The following ARHGAP5 variants were observed in gnomAD, a reference collection of about 807,000 sequenced individuals.
ARHGAP5 encodes the protein rho GTPase-activating protein 5.
In ARHGAP5, 23 loss-of-function variants were observed where a neutral mutation model predicts 116.6. The observed-to-expected ratio is 0.20, with a 90% confidence interval of 0.14 to 0.28. The LOEUF is 0.28. Among genes scored for constraint, ARHGAP5 ranks in the 10% least tolerant of loss-of-function variants. The probability of loss-of-function intolerance (pLI) is 1.00; values close to 1 mark genes in which losing one functional copy is unlikely to be tolerated. For missense variants in ARHGAP5, 1,405 were observed against 1,774.8 expected, an observed-to-expected ratio of 0.79 and a Z score of 3.74; for synonymous variants, 574 against 602.0, an observed-to-expected ratio of 0.95 and a Z score of 0.68.
chr14:32,105,218 C>A (rs1287945294), intron 2 of ARHGAP5, among the ~76,000 whole-genome samples: 1 of 152,100 alleles, frequency 6.6e-6, no homozygotes, highest in Admixed American at 6.6e-5. Context: ...TAGGTCATAG[C>A]GTTTTCTTCC....
chr14:32,119,025 T>C (rs1310759808), intron 3 of ARHGAP5, among the ~76,000 whole-genome samples: 2 of 152,160 alleles, frequency 1.3e-5, no homozygotes, highest in South Asian at 4.1e-4. Context: ...AGGCGATTTA[T>C]ATATTTAAGT....
intron 5 of ARHGAP5, 79 bp downstream of exon 5, chr14:32,150,112 A>G: frequency 8.7e-7 from 1 of 1,144,504 alleles, no homozygotes; most frequent in Non-Finnish European, 1.2e-6. Context: ...TAAAATCATC[A>G]TGTACTAGAA....
At chr14:32,080,395 C>T (rs1400152272) in intron 1 of ARHGAP5, among the ~76,000 whole-genome samples, 1 of 151,218 alleles carries the variant, frequency 6.6e-6, no homozygotes, top group African/African-American at 2.4e-5. Flanking sequence ...TAACAACAAA[C>T]CCCCTTGACA....
chr14:32,099,719 A>G (rs1449405335), intron 2 of ARHGAP5, among the ~76,000 whole-genome samples: 2 of 152,156 alleles, frequency 1.3e-5, no homozygotes, highest in African/African-American at 4.8e-5. Flanking sequence ...CTCATTTTTA[A>G]GTTAAATACT....
Position 32,155,855 on chromosome 14 carries a change from A to G in ARHGAP5, c.*907A>G, listed in dbSNP as rs990847784. The G allele has an allele frequency of 6.6e-6, 1 of 152,572 alleles. No individual in the cohort carries two copies. The highest frequency in any genetic ancestry group is 2.4e-5 in the African/African-American group (1 of 41,458). 9.5% of individuals were successfully genotyped at this position (152,572 alleles called of 1,614,324 possible). ...TTCATATAAGGTTATATAACTTTTC[A>G]TACATAAACATGAAATTTGTTGTAG... is the stretch of plus-strand genomic sequence containing the variant. On this transcript the variant is annotated 3_prime_UTR_variant, in exon 7 of 7. Coordinates refer to ENST00000345122, the MANE Select transcript of ARHGAP5 (RefSeq NM_001030055.2).
At chr14:32,121,763 C>G (rs1352524482) in intron 3 of ARHGAP5, among the ~76,000 whole-genome samples, 1 of 152,156 alleles carries the variant, frequency 6.6e-6, no homozygotes, top group East Asian at 1.9e-4. Flanking sequence ...ATTCCCCACT[C>G]TCACCCCCCC....
intron 3 of ARHGAP5, among the ~76,000 whole-genome samples, chr14:32,140,258 ATTTCTTC>A (rs1264201496): frequency 6.6e-6 from 1 of 150,980 alleles, no homozygotes; most frequent in Non-Finnish European, 1.5e-5. Flanking sequence ...TTTATTTGTA[ATTTCTTC>A]TTTGTTCCAT....
chr14:32,107,432 A>G (rs1333212078), intron 2 of ARHGAP5, among the ~76,000 whole-genome samples: 5 of 150,986 alleles, frequency 3.3e-5, no homozygotes, highest in Admixed American at 2.0e-4. Context: ...ATTAACAGAA[A>G]TCTTATGTGT....
At chr14:32,100,435 G>T (rs1878740328) in intron 2 of ARHGAP5, among the ~76,000 whole-genome samples, 1 of 152,098 alleles carries the variant, frequency 6.6e-6, no homozygotes, top group Non-Finnish European at 1.5e-5. Context: ...CTGGCCTCAA[G>T]CCGTCCTCTA....
At position 32,093,614 on chromosome 14, in the gene ARHGAP5, A is replaced by T; in HGVS notation, c.2945A>T (p.Asp982Val). The T allele has an allele frequency of 6.2e-7, 1 of 1,613,872 alleles. No homozygotes were observed. The highest frequency in any genetic ancestry group is 8.5e-7 in the Non-Finnish European group (1 of 1,179,912). ...CCCTATAATAACTACCCTGATTCAG[A>T]TGATGACACAGAAGCACCACCTCCT... ...CFPYNNYPDSDDDTEAPPPYS... is the reference protein window; with the variant it reads ...CFPYNNYPDSVDDTEAPPPYS... The change falls in exon 2 of 7, where the codon GAT (aspartate) becomes GTT (valine). Residue 982 changes from aspartate (D) to valine (V), a missense_variant. Physicochemically the swap from Asp to Val is radical, Grantham distance 152 (BLOSUM62 -3). Transcript: ENST00000345122.
Position 32,090,488 on chromosome 14 carries a change from TCCCC to T in ARHGAP5, c.-168-13_-168-10del. The T allele has an allele frequency of 1.9e-6, 1 of 528,148 alleles. No homozygotes were observed. The highest frequency in any genetic ancestry group is 1.9e-5 in the African/African-American group (1 of 51,886). 32.7% of individuals were successfully genotyped at this position (528,148 alleles called of 1,614,324 possible). On this transcript the variant is annotated splice_polypyrimidine_tract_variant and intron_variant, in intron 1 of 6. Coordinates refer to ENST00000345122, the MANE Select transcript of ARHGAP5 (RefSeq NM_001030055.2). ...TTGTGATTAAGATTTGTTCTTTTTC[TCCCC>T]TCTCTATAGGAAGATGATCCCTATG... is the stretch of plus-strand genomic sequence containing the variant.
intron 1 of ARHGAP5, among the ~76,000 whole-genome samples, chr14:32,084,746 C>A (rs1258815065): frequency 6.6e-6 from 1 of 152,170 alleles, no homozygotes; most frequent in African/African-American, 2.4e-5. Context: ...GCTCATTTCA[C>A]ATACAAATTG....
At chr14:32,139,827 C>T (rs1881000641) in intron 3 of ARHGAP5, among the ~76,000 whole-genome samples, 1 of 150,254 alleles carries the variant, frequency 6.7e-6, no homozygotes, top group Non-Finnish European at 1.5e-5. Flanking sequence ...AGGTTTCCGT[C>T]TGAAAATCTT....
At chr14:32,098,916 T>A (rs760313289) in intron 2 of ARHGAP5, among the ~76,000 whole-genome samples, 42 of 152,270 alleles carry the variant, frequency 2.8e-4, no homozygotes, top group Non-Finnish European at 5.4e-4. Flanking sequence ...TTCTTTCTTG[T>A]GATCACTCGG....
intron 1 of ARHGAP5, among the ~76,000 whole-genome samples, chr14:32,084,821 C>G (rs1430287450): frequency 2.0e-5 from 3 of 152,086 alleles, no homozygotes; most frequent in African/African-American, 7.2e-5. Context: ...GACTTTGAGA[C>G]CACAACATAG....
At chr14:32,130,209 ATTT>A (rs1201632953) in intron 3 of ARHGAP5, among the ~76,000 whole-genome samples, 8 of 124,406 alleles carry the variant, frequency 6.4e-5, no homozygotes, top group Admixed American at 1.6e-4. Flanking sequence ...TTCATAAGGG[ATTT>A]TTTTTTTTTT....
intron 1 of ARHGAP5, among the ~76,000 whole-genome samples, chr14:32,087,957 A>G (rs1031593852): frequency 3.3e-5 from 5 of 152,150 alleles, no homozygotes; most frequent in African/African-American, 1.2e-4. Context: ...TCATGACTTA[A>G]TGCCTCCACT....
chr14:32,087,931 G>A (rs1012614653), intron 1 of ARHGAP5, among the ~76,000 whole-genome samples: 1 of 152,008 alleles, frequency 6.6e-6, no homozygotes, highest in Non-Finnish European at 1.5e-5. Flanking sequence ...CCAGTTTTCA[G>A]TGACCAATGA....
intron 3 of ARHGAP5, among the ~76,000 whole-genome samples, chr14:32,124,544 G>A (rs1224135727): frequency 2.0e-5 from 3 of 152,154 alleles, no homozygotes; most frequent in Non-Finnish European, 4.4e-5. Flanking sequence ...GAGTTAATAA[G>A]GATGATAAAC....
Sources: allele counts gnomAD v4.1 joint callset (sites outside exome capture counted in the v4.1 genomes callset), GRCh38; gene constraint gnomAD v4.1.1; transcripts MANE v1.5; gene names NCBI Gene and HGNC (gene_info 2026-07-23, HGNC 2026-07-21).